Variants in OCA2 observed in about 807,000 individuals in gnomAD.
The protein encoded by OCA2 is OCA2 melanosomal transmembrane protein, also known as P protein.
OCA2 carries 77 observed loss-of-function variants against 100.2 expected under a neutral mutation model. The observed-to-expected ratio is 0.77, with a 90% confidence interval of 0.64 to 0.93. The LOEUF is 0.93. OCA2 is among the 40% of genes least tolerant of loss of function. The probability of loss-of-function intolerance (pLI) is 0.00; values close to 1 mark genes in which losing one functional copy is unlikely to be tolerated. For synonymous variants in OCA2, 432 were observed against 439.2 expected, an observed-to-expected ratio of 0.98 and a Z score of 0.21; for missense variants, 1,062 against 1,089.1, an observed-to-expected ratio of 0.98 and a Z score of 0.35.
At chr15:28,092,460 T>A (rs1369797461) in intron 1 of OCA2, among the ~76,000 whole-genome samples, 1 of 152,124 alleles carries the variant, frequency 6.6e-6, no homozygotes, top group Admixed American at 6.5e-5. Context: ...GGCTCAGTGA[T>A]CCTCCCACCT....
chr15:27,987,939 A>G (rs2041417460), intron 11 of OCA2, among the ~76,000 whole-genome samples: 1 of 152,214 alleles, frequency 6.6e-6, no homozygotes, highest in Admixed American at 6.5e-5. Flanking sequence ...GTCAATTTAG[A>G]CCCAGTGTAA....
chr15:28,064,949 G>A (rs7166138), intron 2 of OCA2, among the ~76,000 whole-genome samples: 143,800 of 152,038 alleles, frequency 0.95, 68,074 homozygotes, highest in African/African-American at 0.98. Context: ...GTAGCAGTCC[G>A]TTGGTTTAGG....
intron 19 of OCA2, among the ~76,000 whole-genome samples, chr15:27,913,902 A>AAG (rs2038551194): frequency 1.8e-5 from 1 of 56,744 alleles, no homozygotes. Flanking sequence ...AAAGCAAGCA[A>AAG]GCAAGCAAGC....
At chr15:27,878,587 T>C (rs2036884794) in intron 19 of OCA2, among the ~76,000 whole-genome samples, 1 of 152,180 alleles carries the variant, frequency 6.6e-6, no homozygotes, top group Admixed American at 6.5e-5. Context: ...ATTCAAATCA[T>C]AGTCCCTTGC....
At chr15:27,820,709 G>A (rs1043829843) in intron 23 of OCA2, among the ~76,000 whole-genome samples, 1 of 152,128 alleles carries the variant, frequency 6.6e-6, no homozygotes, top group Middle Eastern at 3.2e-3. Context: ...TTAGAAAAGC[G>A]GTCAACACTT....
At chr15:27,874,651 A>C (rs1027662227) in intron 19 of OCA2, among the ~76,000 whole-genome samples, 7 of 152,210 alleles carry the variant, frequency 4.6e-5, no homozygotes, top group Non-Finnish European at 1.0e-4. Context: ...ATTTTGCTTA[A>C]AGAAATTAGG....
At chr15:27,821,772 T>C (rs2034517826) in intron 23 of OCA2, among the ~76,000 whole-genome samples, 1 of 152,084 alleles carries the variant, frequency 6.6e-6, no homozygotes, top group Non-Finnish European at 1.5e-5. Flanking sequence ...GGCACATTTG[T>C]CTATATGCAC....
At chr15:27,752,506 CT>C (rs1161540698), downstream of OCA2, among the ~76,000 whole-genome samples, 2 of 152,262 alleles carry the variant, frequency 1.3e-5, no homozygotes, top group African/African-American at 4.8e-5. Flanking sequence ...GACTTTTCAT[CT>C]GCTGAGGAGC....
At chr15:27,896,211 C>T in intron 19 of OCA2, 6 of 924,032 alleles carry the variant, frequency 6.5e-6, no homozygotes, top group Non-Finnish European at 1.1e-5. Flanking sequence ...CTTGTCTATC[C>T]CTCACAGTAC....
chr15:28,041,397 T>C (rs951818965), intron 2 of OCA2, among the ~76,000 whole-genome samples: 2 of 152,018 alleles, frequency 1.3e-5, no homozygotes, highest in African/African-American at 4.8e-5. Flanking sequence ...AGACTATTTA[T>C]GAAAAACGCA....
intron 2 of OCA2, among the ~76,000 whole-genome samples, chr15:28,036,816 G>A (rs946830627): frequency 1.3e-5 from 2 of 152,130 alleles, no homozygotes; most frequent in African/African-American, 4.8e-5. Context: ...TGACAGCTTG[G>A]GGAGGTGGTG....
the OCA2 span, among the ~76,000 whole-genome samples, chr15:27,740,064 G>T: frequency 9.7e-4 from 147 of 152,298 alleles, no homozygotes; most frequent in Admixed American, 2.8e-3. Flanking sequence ...ATTGGATGTT[G>T]TCTTCCACTT....
intron 21 of OCA2, among the ~76,000 whole-genome samples, chr15:27,856,811 CA>C: frequency 6.6e-6 from 1 of 151,998 alleles, no homozygotes; most frequent in Non-Finnish European, 1.5e-5. Context: ...AGAAAAACTT[CA>C]ATGACCATAC....
At chr15:27,720,679 C>A in the OCA2 span, among the ~76,000 whole-genome samples, 2,064 of 152,122 alleles carry the variant, frequency 0.014, 46 homozygotes, top group African/African-American at 0.048. Flanking sequence ...CCTGAGGACA[C>A]AAGGAAGCTT....
chr15:27,749,566 T>C, the OCA2 span, among the ~76,000 whole-genome samples: 3 of 152,128 alleles, frequency 2.0e-5, no homozygotes, highest in African/African-American at 7.2e-5. Flanking sequence ...TATTAGTAGA[T>C]GACATAATGA....
chr15:27,950,323 G>T (rs986584853), intron 18 of OCA2, among the ~76,000 whole-genome samples: 2 of 152,118 alleles, frequency 1.3e-5, no homozygotes, highest in Non-Finnish European at 2.9e-5. Context: ...AATTACCAGT[G>T]GTGACCACGT....
intron 1 of OCA2, among the ~76,000 whole-genome samples, chr15:28,092,578 C>G (rs1005984720): frequency 2.0e-5 from 3 of 152,134 alleles, no homozygotes; most frequent in African/African-American, 7.2e-5. Flanking sequence ...GTCTCAAACT[C>G]CTGGGATCAA....
intron 9 of OCA2, among the ~76,000 whole-genome samples, chr15:27,997,987 A>G (rs997587282): frequency 1.1e-3 from 141 of 128,662 alleles, no homozygotes; most frequent in African/African-American, 3.4e-3. Context: ...TTTGTCTGTT[A>G]TTGGTGTATA....
At chr15:27,770,779 A>ATCCTTCCTTCCACCCTCCCTCTTT (rs2031688723) in intron 23 of OCA2, among the ~76,000 whole-genome samples, 1 of 61,684 alleles carries the variant, frequency 1.6e-5, no homozygotes, top group African/African-American at 4.6e-5. Context: ...CCTCCCTTCC[A>ATCCTTCCTTCCACCCTCCCTCTTT]TCCTTCCTTC....
Sources: allele counts gnomAD v4.1 joint callset (sites outside exome capture counted in the v4.1 genomes callset), GRCh38; gene constraint gnomAD v4.1.1; transcripts MANE v1.5; gene names NCBI Gene and HGNC (gene_info 2026-07-23, HGNC 2026-07-21).